STX2: variants seen among roughly 807,000 people sequenced by gnomAD.
STX2 encodes syntaxin 2.
Under a neutral mutation model 40.6 loss-of-function variants are expected in STX2, and 27 were observed. The observed-to-expected ratio is 0.66, with a 90% CI of 0.49 to 0.92. The LOEUF (loss-of-function observed/expected upper bound fraction) is 0.92. STX2 is among the 40% of genes least tolerant of loss of function. The probability of loss-of-function intolerance (pLI) is 0.00; values close to 1 mark genes in which losing one functional copy is unlikely to be tolerated. For synonymous variants in STX2, 123 were observed against 119.1 expected, an observed-to-expected ratio of 1.03 and a Z score of -0.22; for missense variants, 328 against 366.1, an observed-to-expected ratio of 0.90 and a Z score of 0.85.
chr12:130,839,088 C>T lies in STX2; in HGVS notation c.12G>A (p.Arg4=). The change falls in exon 1 of 11, where the codon CGG becomes CGA. Residue 4 remains arginine, a synonymous_variant. Transcript: ENST00000392373. MRD[R]LPDLTACRKN... is the part of the protein sequence containing the mutation. ...CGCTCACCGCCGTCAGGTCTGGCAG[C>T]CGGTCCCGCATCCCCGCCGGCCGGG... 7.6e-7 allele frequency: 1 copy of T among 1,321,156 alleles called. No individual in the cohort carries two copies. The highest frequency in any genetic ancestry group is 9.7e-7 in the Non-Finnish European group (1 of 1,031,358). 81.8% of individuals were successfully genotyped at this position (1,321,156 alleles called of 1,614,324 possible).
chr12:130,793,400 C>G (rs998197009), intron 10 of STX2, among the ~76,000 whole-genome samples: 4 of 152,184 alleles, frequency 2.6e-5, no homozygotes, highest in Non-Finnish European at 5.9e-5. Flanking sequence ...AGGCGCGCGC[C>G]CTCCCGCTCA....
intron 3 of STX2, among the ~76,000 whole-genome samples, chr12:130,817,579 A>G (rs1166676681): frequency 6.6e-6 from 1 of 152,182 alleles, no homozygotes; most frequent in Admixed American, 6.5e-5. Flanking sequence ...ACACAGCCAG[A>G]AAACGTCAGT....
Position 130,839,149 on chromosome 12 carries a change from C to A in STX2, c.-50G>T. 2 of 1,173,340 alleles carry A rather than the reference C, an allele frequency of 1.7e-6. No homozygotes were observed. Among genetic ancestry groups the A allele is most frequent in the South Asian group, 8.0e-5 (2 of 25,094 alleles). 72.7% of individuals were successfully genotyped at this position (1,173,340 alleles called of 1,614,324 possible). A position where few individuals can be genotyped will look rare whatever the true frequency, so the allele number is the denominator to read the frequency against. On this transcript the variant is annotated 5_prime_UTR_variant, in exon 1 of 11. Coordinates refer to ENST00000392373, the MANE Select transcript of STX2 (RefSeq NM_194356.4). ...CGCCGCTCAAGCCTGTCCCGAGCTG[C>A]CTCCGGCCGGGCCTCGGGCTCTCCG...
At chr12:130,826,816 C>T (rs1476965081) in intron 2 of STX2, among the ~76,000 whole-genome samples, 5 of 149,750 alleles carry the variant, frequency 3.3e-5, no homozygotes, top group Non-Finnish European at 7.4e-5. Context: ...GCCTAGGCAA[C>T]ATGGTGAAAC....
At chr12:130,818,185 A>AAAAAAAAAAAATATATATATATATAT in intron 3 of STX2, among the ~76,000 whole-genome samples, 1 of 70,584 alleles carries the variant, frequency 1.4e-5, no homozygotes, top group Non-Finnish European at 2.3e-5. Context: ...AAAAAAAAAA[A>AAAAAAAAAAAATATATATATATATAT]ATATATATAT....
intron 5 of STX2, 120 bp downstream of exon 5, chr12:130,808,511 G>T: frequency 2.2e-6 from 2 of 916,034 alleles, no homozygotes; most frequent in Non-Finnish European, 1.7e-6. Context: ...TTATTTTTGT[G>T]CAGAAATACT....
intron 3 of STX2, among the ~76,000 whole-genome samples, chr12:130,820,433 G>A (rs1207486299): frequency 3.3e-5 from 5 of 152,154 alleles, no homozygotes; most frequent in Admixed American, 2.0e-4. Context: ...TTGGGAGGCC[G>A]AGGCAGGTGG....
intron 1 of STX2, among the ~76,000 whole-genome samples, chr12:130,838,168 G>A (rs1054099409): frequency 4.6e-5 from 7 of 152,172 alleles, no homozygotes; most frequent in African/African-American, 1.7e-4. Context: ...GTGCACACAC[G>A]TAGCATGAAT....
In STX2 at chr12:130,826,522, C is replaced by T. The variant is rs1952316211; in HGVS notation, c.105+671G>A. Reference sequence around the variant, plus strand: ...GCGGAGGCCACGTGCACAGCTCCACCATCCACACCCAGTTCCCTCCCGGAC... The same window carrying T: ...GCGGAGGCCACGTGCACAGCTCCACTATCCACACCCAGTTCCCTCCCGGAC... On this transcript the variant is annotated intron_variant, in intron 2 of 10. Transcript: ENST00000392373. 2.0e-5 allele frequency among the ~76,000 whole-genome samples: 3 copies of T among 152,190 alleles called. No homozygotes were observed. In the South Asian group the frequency reaches 6.2e-4, roughly 32 times the overall value.
intron 10 of STX2, among the ~76,000 whole-genome samples, chr12:130,794,032 T>C (rs778902466): frequency 2.6e-5 from 4 of 152,210 alleles, no homozygotes; most frequent in Non-Finnish European, 5.9e-5. Flanking sequence ...AGGAGCCTTC[T>C]TTTAGTCAAC....
In STX2 at chr12:130,815,136, AAG is replaced by A. The variant is rs367747821; in HGVS notation, c.206-2107_206-2106del. ...CTGATAATGGATGAAACTAGAAAAA[AAG>A]AGAAACTAGACACAAAGGGGTCATT... On this transcript the variant is annotated intron_variant, in intron 3 of 10. Transcript: ENST00000392373. 7.4e-4 allele frequency among the ~76,000 whole-genome samples: 113 copies of A among 152,350 alleles called. 1 individual carries two copies. The highest frequency in any genetic ancestry group is 2.6e-3 in the African/African-American group (110 of 41,588).
intron 1 of STX2, among the ~76,000 whole-genome samples, chr12:130,830,374 C>T (rs1254517143): frequency 6.6e-6 from 1 of 151,266 alleles, no homozygotes; most frequent in Non-Finnish European, 1.5e-5. Flanking sequence ...GAGGCTCAAC[C>T]CTCCTCTCCC....
intron 4 of STX2, 22 bp downstream of exon 4, chr12:130,812,935 A>G: frequency 6.7e-7 from 1 of 1,491,980 alleles, no homozygotes; most frequent in Non-Finnish European, 9.1e-7. Context: ...ATCAATAATT[A>G]AACATAAAAC....
chr12:130,820,431 C>T (rs1017989909), intron 3 of STX2, among the ~76,000 whole-genome samples: 33 of 152,214 alleles, frequency 2.2e-4, no homozygotes, highest in Middle Eastern at 3.4e-3. Context: ...CTTTGGGAGG[C>T]CGAGGCAGGT....
At chr12:130,818,185 A>ATATATAT (rs1555222352) in intron 3 of STX2, among the ~76,000 whole-genome samples, 11 of 70,542 alleles carry the variant, frequency 1.6e-4, no homozygotes, top group African/African-American at 4.7e-4. Context: ...AAAAAAAAAA[A>ATATATAT]ATATATATAT....
At chr12:130,827,149 G>A in intron 2 of STX2, 44 bp downstream of exon 2, 1 of 1,396,294 alleles carries the variant, frequency 7.2e-7, no homozygotes, top group South Asian at 1.2e-5. Context: ...AGGGAGGGAG[G>A]ACAGGTAGGC....
Position 130,824,983 on chromosome 12 carries a change from T to C in STX2, c.105+2210A>G, listed in dbSNP as rs780855332. 1.4e-3 allele frequency among the ~76,000 whole-genome samples: 213 copies of C among 151,644 alleles called. 2 individuals are homozygous for C. The highest frequency in any genetic ancestry group is 2.1e-3 in the Non-Finnish European group (144 of 67,958). ...GCAGCAAAGACAGACTGGCACCAGA[T>C]AGACAAAGACCACAGCTTAATGGCA... On this transcript the variant is annotated intron_variant, in intron 2 of 10. Coordinates refer to ENST00000392373, the MANE Select transcript of STX2 (RefSeq NM_194356.4).
intron 3 of STX2, among the ~76,000 whole-genome samples, chr12:130,819,484 C>CT (rs1952031150): frequency 6.6e-6 from 1 of 152,196 alleles, no homozygotes; most frequent in Non-Finnish European, 1.5e-5. Context: ...GGTTCACACT[C>CT]TGTCACAAAA....
chr12:130,815,223 C>T (rs955383389), intron 3 of STX2, among the ~76,000 whole-genome samples: 6 of 152,134 alleles, frequency 3.9e-5, no homozygotes, highest in African/African-American at 1.4e-4. Context: ...ATCTTTCTAC[C>T]ACCCCAAGGG....
Sources: gnomAD v4.1 joint callset for allele counts (sites outside exome capture counted in the v4.1 genomes callset) on GRCh38, gnomAD v4.1.1 for gene constraint, MANE v1.5 for transcripts, NCBI Gene and HGNC (gene_info 2026-07-23, HGNC 2026-07-21) for gene names.